Variants in IL1RAPL1 observed in about 807,000 individuals in gnomAD.
The protein encoded by IL1RAPL1 is interleukin 1 receptor accessory protein like 1, also known as interleukin-1 receptor accessory protein-like 1.
A neutral mutation model predicts 48.4 loss-of-function variants in IL1RAPL1; 3 were observed. The ratio of observed to expected loss-of-function variants is 0.06; its 90% confidence interval spans 0.03 to 0.16. The LOEUF (loss-of-function observed/expected upper bound fraction) is 0.16. Among genes scored for constraint, IL1RAPL1 ranks in the 10% least tolerant of loss-of-function variants. IL1RAPL1 has a pLI of 1.00. For missense variants in IL1RAPL1, 349 were observed against 530.6 expected (o/e 0.66, Z 3.36); for synonymous variants, 185 against 187.7 (o/e 0.99, Z 0.12).
chrX:29,569,679 G>C (rs186522074), intron 5 of IL1RAPL1, among the ~76,000 whole-genome samples: 1 of 109,453 alleles, frequency 9.1e-6, no homozygotes, highest in East Asian at 2.8e-4. Context: ...TTTTTAATTA[G>C]AAAGCAGGCA....
At chrX:29,695,856 A>G (rs1427637115) in intron 6 of IL1RAPL1, among the ~76,000 whole-genome samples, 1 of 111,220 alleles carries the variant, frequency 9.0e-6, no homozygotes, top group Non-Finnish European at 1.9e-5. Flanking sequence ...TGATGGTGAT[A>G]AAGATACTGA....
chrX:29,387,361 G>A (rs1272173987), intron 3 of IL1RAPL1, among the ~76,000 whole-genome samples: 1 of 112,204 alleles, frequency 8.9e-6, no homozygotes, highest in African/African-American at 3.2e-5. Context: ...AATGTGCTGA[G>A]TTCAAAGATG....
At chrX:29,857,643 C>T (rs892670958) in intron 6 of IL1RAPL1, among the ~76,000 whole-genome samples, 16 of 111,935 alleles carry the variant, frequency 1.4e-4, no homozygotes, top group African/African-American at 5.2e-4. Context: ...CTTTTAGGGT[C>T]TTCAGCTGGC....
chrX:29,569,836 A>G (rs191117601), intron 5 of IL1RAPL1, among the ~76,000 whole-genome samples: 116 of 112,035 alleles, frequency 1.0e-3, no homozygotes, highest in African/African-American at 3.4e-3. Context: ...CAGACTACTG[A>G]TTTGGGCTAC....
intron 2 of IL1RAPL1, among the ~76,000 whole-genome samples, chrX:29,209,653 A>G: frequency 8.9e-6 from 1 of 112,207 alleles, no homozygotes; most frequent in Non-Finnish European, 1.9e-5. Context: ...CCTTGATGGA[A>G]ACTCAGGTTA....
chrX:29,883,717 T>A (rs1932075821), intron 6 of IL1RAPL1, among the ~76,000 whole-genome samples: 1 of 111,856 alleles, frequency 8.9e-6, no homozygotes, highest in Non-Finnish European at 1.9e-5. Flanking sequence ...CTTTTATGAA[T>A]TCAAAATTAA....
chrX:29,184,617 C>T (rs922585616), intron 2 of IL1RAPL1, among the ~76,000 whole-genome samples: 3 of 111,035 alleles, frequency 2.7e-5, no homozygotes, highest in African/African-American at 9.8e-5. Flanking sequence ...TCTCCTGCCT[C>T]GGACTCCTGA....
At chrX:29,304,833 C>T (rs920281935) in intron 3 of IL1RAPL1, among the ~76,000 whole-genome samples, 8 of 112,584 alleles carry the variant, frequency 7.1e-5, no homozygotes, top group African/African-American at 1.3e-4. Context: ...TGCAGTGGCA[C>T]GACCTCGGCT....
intron 5 of IL1RAPL1, among the ~76,000 whole-genome samples, chrX:29,568,424 G>A (rs1701435950): frequency 9.1e-6 from 1 of 110,130 alleles, no homozygotes; most frequent in Non-Finnish European, 1.9e-5. Flanking sequence ...ATGGGTTAAT[G>A]ATATTAAAAT....
chrX:29,049,083 C>T (rs1014466709), intron 2 of IL1RAPL1, among the ~76,000 whole-genome samples: 2 of 112,233 alleles, frequency 1.8e-5, no homozygotes, highest in Non-Finnish European at 3.8e-5. Flanking sequence ...TTCTAGCAAT[C>T]TGTCTAAAAC....
At chrX:28,809,549 A>G (rs1213154227) in intron 2 of IL1RAPL1, among the ~76,000 whole-genome samples, 3 of 110,727 alleles carry the variant, frequency 2.7e-5, no homozygotes, top group Non-Finnish European at 5.7e-5. Context: ...TTTAAGAAAT[A>G]GAAAGATGGT....
intron 6 of IL1RAPL1, among the ~76,000 whole-genome samples, chrX:29,904,504 C>T (rs1056850361): frequency 9.0e-6 from 1 of 110,590 alleles, no homozygotes; most frequent in African/African-American, 3.3e-5. Flanking sequence ...AGGTATTTAT[C>T]CTAATGCTCT....
chrX:29,769,427 G>GTT (rs749403144), intron 6 of IL1RAPL1, among the ~76,000 whole-genome samples: 336 of 25,870 alleles, frequency 0.013, 75 homozygotes, highest in East Asian at 0.022. Context: ...CTGCCAAACA[G>GTT]TTTTTTTTTT....
At chrX:29,796,692 A>G (rs931420939) in intron 6 of IL1RAPL1, among the ~76,000 whole-genome samples, 34 of 112,423 alleles carry the variant, frequency 3.0e-4, no homozygotes, top group Non-Finnish European at 1.5e-4. Context: ...ATGAATGATA[A>G]TTAAAAGAAA....
intron 2 of IL1RAPL1, among the ~76,000 whole-genome samples, chrX:29,272,583 C>G (rs1174735137): frequency 9.0e-6 from 1 of 111,267 alleles, no homozygotes; most frequent in Non-Finnish European, 1.9e-5. Flanking sequence ...CTGCCTTTAA[C>G]ATTCTTTCTT....
At chrX:29,217,791 A>T (rs1382435713) in intron 2 of IL1RAPL1, among the ~76,000 whole-genome samples, 1 of 107,949 alleles carries the variant, frequency 9.3e-6, no homozygotes. Context: ...ACACACACAC[A>T]CACACACACA....
chrX:28,596,999 GA>G (rs1333541938), intron 1 of IL1RAPL1, among the ~76,000 whole-genome samples: 1 of 110,961 alleles, frequency 9.0e-6, no homozygotes, highest in Non-Finnish European at 1.9e-5. Context: ...ATTGGACTTT[GA>G]AGGAGTTAAC....
At chrX:28,815,088 A>T (rs759892462) in intron 2 of IL1RAPL1, among the ~76,000 whole-genome samples, 13 of 110,261 alleles carry the variant, frequency 1.2e-4, no homozygotes, top group Admixed American at 1.9e-4. Context: ...TATAAGAATA[A>T]TAAAAACAAA....
intron 2 of IL1RAPL1, among the ~76,000 whole-genome samples, chrX:29,103,654 C>CA (rs1239278818): frequency 3.6e-5 from 4 of 110,897 alleles, no homozygotes; most frequent in Non-Finnish European, 7.5e-5. Flanking sequence ...TTCTGCACAA[C>CA]AAAGGATACA....
Sources: allele counts gnomAD v4.1 joint callset (sites outside exome capture counted in the v4.1 genomes callset), GRCh38; gene constraint gnomAD v4.1.1; transcripts MANE v1.5; gene names NCBI Gene and HGNC (gene_info 2026-07-23, HGNC 2026-07-21).